The following EEPD1 variants were observed in gnomAD, a reference collection of about 807,000 sequenced individuals.
The protein encoded by EEPD1 is endonuclease/exonuclease/phosphatase family domain-containing protein 1.
EEPD1 carries 17 observed loss-of-function variants against 46.3 expected under a neutral mutation model. The observed-to-expected ratio is 0.37, with a 90% CI of 0.25 to 0.55. The LOEUF (loss-of-function observed/expected upper bound fraction) is 0.55. Among genes scored for constraint, EEPD1 ranks in the 20% least tolerant of loss-of-function variants. The probability of loss-of-function intolerance (pLI) is 0.83; values close to 1 mark genes in which losing one functional copy is unlikely to be tolerated. For synonymous variants in EEPD1, 313 were observed against 315.6 expected (o/e 0.99, Z 0.09); for missense variants, 673 against 745.6 (o/e 0.90, Z 1.13).
chr7:36,226,592 A>G (rs1339242502), intron 2 of EEPD1, among the ~76,000 whole-genome samples: 1 of 152,240 alleles, frequency 6.6e-6, no homozygotes, highest in Non-Finnish European at 1.5e-5. Context: ...AGTAGACCCA[A>G]AAGAGTCTCA....
chr7:36,154,135 G>A lies in EEPD1; in HGVS notation c.-190G>A. 1.5e-6 allele frequency: 1 copy of A among 649,502 alleles called. No homozygotes were observed. Among genetic ancestry groups the A allele is most frequent in the East Asian group, 2.8e-5 (1 of 36,064 alleles). 40.2% of individuals were successfully genotyped at this position (649,502 alleles called of 1,614,324 possible). A position where few individuals can be genotyped will look rare whatever the true frequency, so the allele number is the denominator to read the frequency against. On this transcript the variant is annotated splice_region_variant and 5_prime_UTR_variant, in exon 2 of 8. Coordinates refer to ENST00000242108, the MANE Select transcript of EEPD1 (RefSeq NM_030636.3). This position sits in a 1 kb window ranked among gnomAD's most constrained non-coding sequence, Gnocchi z 4.2. ...ATGTTTATTGATTTATTTTCTAGGC[G>A]GCCAAGTGAAAGGTAATTTTGGACA...
At position 36,193,463 on chromosome 7, in the gene EEPD1, C is replaced by T. The variant is rs1055731068; in HGVS notation, c.878+38261C>T. On this transcript the variant is annotated intron_variant, in intron 2 of 7. Transcript: ENST00000242108. This position sits in a 1 kb window ranked among gnomAD's most constrained non-coding sequence, Gnocchi z 4.9. The stretch of plus-strand genomic sequence containing the variant: ...CACTTCATGCCAGCCTTGGGAGGTC[C>T]CCCGGGGAGTGCGGTCCCCTGAAGG... 1.3e-5 allele frequency among the ~76,000 whole-genome samples: 2 copies of T among 152,088 alleles called. No homozygotes were observed. The highest frequency in any genetic ancestry group is 4.8e-5 in the African/African-American group (2 of 41,412).
chr7:36,202,370 G>A (rs531264859), intron 2 of EEPD1, among the ~76,000 whole-genome samples: 1 of 152,126 alleles, frequency 6.6e-6, no homozygotes, highest in Non-Finnish European at 1.5e-5. Flanking sequence ...TTGCCTGGGG[G>A]TGCTGCTTAT....
intron 6 of EEPD1, among the ~76,000 whole-genome samples, chr7:36,288,210 G>T (rs897919926): frequency 1.3e-5 from 2 of 152,184 alleles, no homozygotes; most frequent in African/African-American, 4.8e-5. Context: ...GGTGAATTGA[G>T]TTTTTCTCTC....
chr7:36,234,529 T>C (rs768844699), intron 2 of EEPD1, among the ~76,000 whole-genome samples: 2 of 151,740 alleles, frequency 1.3e-5, no homozygotes, highest in Non-Finnish European at 2.9e-5. Context: ...AAAATTAGCC[T>C]GGTGTGGTGG....
At chr7:36,180,652 G>T (rs1003109671) in intron 2 of EEPD1, among the ~76,000 whole-genome samples, 13 of 152,114 alleles carry the variant, frequency 8.5e-5, no homozygotes, top group African/African-American at 3.1e-4. Context: ...TTAGGAGTCT[G>T]CACATGTCTG....
At chr7:36,255,545 G>C (rs1251073417) in intron 3 of EEPD1, among the ~76,000 whole-genome samples, 1 of 152,114 alleles carries the variant, frequency 6.6e-6, no homozygotes, top group African/African-American at 2.4e-5. Context: ...CTTCTTCCTG[G>C]TTTAGTCTTG....
At chr7:36,195,199 A>G (rs1457118227) in intron 2 of EEPD1, among the ~76,000 whole-genome samples, 1 of 152,190 alleles carries the variant, frequency 6.6e-6, no homozygotes, top group East Asian at 1.9e-4. Context: ...AGGGATGCTC[A>G]TTGAGACCAG....
At chr7:36,275,027 G>A (rs1222530202) in intron 3 of EEPD1, among the ~76,000 whole-genome samples, 1 of 152,174 alleles carries the variant, frequency 6.6e-6, no homozygotes, top group African/African-American at 2.4e-5. Flanking sequence ...AAAATAGATT[G>A]CGTTTTCAGT....
At chr7:36,176,056 C>G (rs1051838805) in intron 2 of EEPD1, among the ~76,000 whole-genome samples, 2 of 152,098 alleles carry the variant, frequency 1.3e-5, no homozygotes, top group Non-Finnish European at 2.9e-5. Context: ...GGAGGGGAGG[C>G]CCAGGGAACC....
At chr7:36,277,525 A>G (rs1451890143) in intron 3 of EEPD1, among the ~76,000 whole-genome samples, 2 of 152,098 alleles carry the variant, frequency 1.3e-5, no homozygotes, top group Non-Finnish European at 2.9e-5. Flanking sequence ...GTGAGTTTGC[A>G]TTTCTGGCAG....
intron 2 of EEPD1, among the ~76,000 whole-genome samples, chr7:36,158,541 C>T (rs1675594383): frequency 6.6e-6 from 1 of 152,154 alleles, no homozygotes; most frequent in African/African-American, 2.4e-5. Context: ...CTATAAGAAA[C>T]TGTTTTGCAA....
intron 2 of EEPD1, among the ~76,000 whole-genome samples, chr7:36,204,924 G>A (rs999753250): frequency 2.6e-5 from 4 of 152,280 alleles, no homozygotes; most frequent in Non-Finnish European, 4.4e-5. Flanking sequence ...AATAAATTAT[G>A]GCCACTGCCT....
chr7:36,253,873 A>G (rs1180073689), intron 3 of EEPD1, among the ~76,000 whole-genome samples: 1 of 152,028 alleles, frequency 6.6e-6, no homozygotes, highest in Non-Finnish European at 1.5e-5. Context: ...CTTGGTTTTA[A>G]TCCACTTTTA....
intron 2 of EEPD1, among the ~76,000 whole-genome samples, chr7:36,165,984 C>T (rs1784976216): frequency 2.0e-5 from 3 of 152,256 alleles, no homozygotes; most frequent in Admixed American, 6.5e-5. Flanking sequence ...CTCGGAGAAC[C>T]GATGAATACT....
At chr7:36,203,557 G>C (rs1785756210) in intron 2 of EEPD1, among the ~76,000 whole-genome samples, 1 of 152,192 alleles carries the variant, frequency 6.6e-6, no homozygotes, top group African/African-American at 2.4e-5. Context: ...GTTATGGAAA[G>C]ACTGCATTGT....
intron 2 of EEPD1, among the ~76,000 whole-genome samples, chr7:36,165,586 A>ATTTATTTATTTATTTATTT (rs1784969546): frequency 7.4e-6 from 1 of 134,630 alleles, no homozygotes; most frequent in Non-Finnish European, 1.6e-5. Context: ...CGCCCCAGCT[A>ATTTATTTATTTATTTATTT]ATTTATTTAT....
chr7:36,159,836 G>A (rs900099345), intron 2 of EEPD1, among the ~76,000 whole-genome samples: 3 of 152,192 alleles, frequency 2.0e-5, no homozygotes, highest in Non-Finnish European at 2.9e-5. Flanking sequence ...CCCCTCAAGT[G>A]TGAGTCTGTG....
intron 6 of EEPD1, among the ~76,000 whole-genome samples, chr7:36,289,655 T>C (rs1010346622): frequency 1.5e-4 from 23 of 152,154 alleles, no homozygotes; most frequent in African/African-American, 4.1e-4. Context: ...CCACCGCGCC[T>C]GGCTAATTTT....
Sources: allele counts gnomAD v4.1 joint callset (sites outside exome capture counted in the v4.1 genomes callset), GRCh38; gene constraint gnomAD v4.1.1; non-coding constraint Gnocchi (gnomAD v3.1); transcripts MANE v1.5; gene names NCBI Gene and HGNC (gene_info 2026-07-23, HGNC 2026-07-21).